NRXN3: variants seen among roughly 807,000 people sequenced by gnomAD.
The protein encoded by NRXN3 is neurexin III.
Under a neutral mutation model 137.6 loss-of-function variants are expected in NRXN3, and 32 were observed. That is an observed-to-expected ratio of 0.23 (90% CI 0.18 to 0.31). NRXN3 has a LOEUF of 0.31. Ranked by LOEUF, NRXN3 falls within the 10% of genes least tolerant of loss-of-function variation. The pLI is 1.00. For missense variants in NRXN3, 1,574 were observed against 2,062.5 expected (o/e 0.76, Z 4.59); for synonymous variants, 798 against 784.5 (o/e 1.02, Z -0.29).
At chr14:79,537,271 G>A (rs2097220520) in intron 16 of NRXN3, among the ~76,000 whole-genome samples, 1 of 151,726 alleles carries the variant, frequency 6.6e-6, no homozygotes, top group Admixed American at 6.6e-5. Context: ...TTTGAGAAGT[G>A]TCTGTTCGTG....
At chr14:79,315,635 A>G (rs1566773867) in intron 15 of NRXN3, among the ~76,000 whole-genome samples, 1 of 152,190 alleles carries the variant, frequency 6.6e-6, no homozygotes, top group Admixed American at 6.5e-5. Flanking sequence ...ATAACATCAG[A>G]TTCTTTATTC....
intron 15 of NRXN3, among the ~76,000 whole-genome samples, chr14:79,335,477 A>G (rs1325036820): frequency 6.6e-6 from 1 of 151,838 alleles, no homozygotes; most frequent in Admixed American, 6.6e-5. Flanking sequence ...GCGTGTTCAC[A>G]CCCCTCTATT....
chr14:78,616,654 T>C (rs546173505), intron 4 of NRXN3, among the ~76,000 whole-genome samples: 1 of 152,330 alleles, frequency 6.6e-6, no homozygotes, highest in South Asian at 2.1e-4. Context: ...TTCAGAGTTC[T>C]CTTGCTATAA....
rs1008942866 is a variant in NRXN3 at position 78,847,733 on chromosome 14, C to T, written c.2275+37389C>T. On this transcript the variant is annotated intron_variant, in intron 10 of 20. Coordinates refer to ENST00000335750, the MANE Select transcript of NRXN3 (RefSeq NM_001330195.2). ...TCCGATTACCCTTCCCCTTTTATCC[C>T]CCACTATCAAAAATAATCATATTCT... Among the ~76,000 whole-genome samples the T allele has an allele frequency of 3.3e-5, 5 of 152,144 alleles. No individual in the cohort carries two copies. The East Asian group carries it at 9.7e-4, about 29-fold the overall frequency.
chr14:79,814,359 C>T (rs746623297), intron 20 of NRXN3, among the ~76,000 whole-genome samples: 1 of 152,300 alleles, frequency 6.6e-6, no homozygotes, highest in African/African-American at 2.4e-5. Context: ...ATTTGAAATC[C>T]TCTGCCTTTA....
chr14:78,935,054 C>T (rs926478577), intron 10 of NRXN3, among the ~76,000 whole-genome samples: 1 of 152,078 alleles, frequency 6.6e-6, no homozygotes, highest in Non-Finnish European at 1.5e-5. Context: ...GGTTATGGCT[C>T]CTAGGCATAT....
chr14:79,845,399 T>G (rs2141561480), intron 20 of NRXN3, among the ~76,000 whole-genome samples: 1 of 152,328 alleles, frequency 6.6e-6, no homozygotes, highest in African/African-American at 2.4e-5. Context: ...CTCACTAAGC[T>G]CAATCATTTC....
At chr14:79,637,726 G>GTTTTTTTTTTTTTTT (rs1447669099) in intron 16 of NRXN3, among the ~76,000 whole-genome samples, 1 of 93,000 alleles carries the variant, frequency 1.1e-5, no homozygotes, top group Non-Finnish European at 1.9e-5. Context: ...ATATAGAAAA[G>GTTTTTTTTTTTTTTT]TTCTTTTTTT....
intron 10 of NRXN3, among the ~76,000 whole-genome samples, chr14:78,874,600 A>G (rs1458581562): frequency 6.6e-6 from 1 of 152,130 alleles, no homozygotes; most frequent in Non-Finnish European, 1.5e-5. Flanking sequence ...CAAATCATGT[A>G]TAGTCTTGAG....
At chr14:79,836,207 G>A (rs1189116015) in intron 20 of NRXN3, among the ~76,000 whole-genome samples, 1 of 152,118 alleles carries the variant, frequency 6.6e-6, no homozygotes, top group Non-Finnish European at 1.5e-5. Flanking sequence ...TGCATTGAAA[G>A]AACACAATGG....
chr14:79,031,525 G>A (rs570330745), intron 15 of NRXN3, among the ~76,000 whole-genome samples: 9 of 152,108 alleles, frequency 5.9e-5, no homozygotes, highest in East Asian at 5.8e-4. Context: ...AAAGAATTTC[G>A]AAACAAAATG....
chr14:79,716,099 G>A (rs2098822773), intron 19 of NRXN3, among the ~76,000 whole-genome samples: 1 of 152,194 alleles, frequency 6.6e-6, no homozygotes, highest in African/African-American at 2.4e-5. Flanking sequence ...GGTTGGAAAA[G>A]AGTTTCCAAA....
chr14:79,295,217 G>T, intron 15 of NRXN3, among the ~76,000 whole-genome samples: 1 of 151,238 alleles, frequency 6.6e-6, no homozygotes, highest in Non-Finnish European at 1.5e-5. Flanking sequence ...TACTACCATA[G>T]TGCCTTTATT....
At chr14:78,878,600 ATATACT>A (rs555941264) in intron 10 of NRXN3, among the ~76,000 whole-genome samples, 73 of 152,316 alleles carry the variant, frequency 4.8e-4, no homozygotes, top group African/African-American at 1.6e-3. Context: ...ACAAAATTAA[ATATACT>A]TATGGTGTAC....
chr14:79,751,042 T>C (rs936097242), intron 19 of NRXN3, among the ~76,000 whole-genome samples: 1 of 152,166 alleles, frequency 6.6e-6, no homozygotes, highest in African/African-American at 2.4e-5. Context: ...TAGGATTGAC[T>C]TGGCGATGCA....
rs1376714407 is a variant in NRXN3 at position 79,697,709 on chromosome 14, A to G, written c.3786A>G (p.Gln1262=). 2 of 1,612,984 alleles carry G rather than the reference A, an allele frequency of 1.2e-6. No individual in the cohort carries two copies. The highest frequency in any genetic ancestry group is 8.5e-7 in the Non-Finnish European group (1 of 1,179,420). ...ACAAAGGACGCCTCTTCCAAGGCCA[A>G]CTCTCTGGGCTCTATTATGATGGTT... The part of the protein sequence containing the change: ...GKDKGRLFQG[Q]LSGLYYDGLK... Residue 1262 remains glutamine (Q), a synonymous_variant, in exon 19 of 21, where the codon CAA becomes CAG. Transcript: ENST00000335750.
At chr14:78,875,269 C>G (rs1279722269) in intron 10 of NRXN3, among the ~76,000 whole-genome samples, 5 of 152,188 alleles carry the variant, frequency 3.3e-5, no homozygotes, top group Non-Finnish European at 7.3e-5. Context: ...AGGAACGCTG[C>G]AAACTTGCTA....
At chr14:79,532,040 T>C (rs924170408) in intron 16 of NRXN3, among the ~76,000 whole-genome samples, 5 of 152,164 alleles carry the variant, frequency 3.3e-5, no homozygotes, top group African/African-American at 9.7e-5. Context: ...AAAAGTGTCA[T>C]TTCTGGGCTG....
At chr14:79,016,456 T>G (rs955456407) in intron 15 of NRXN3, among the ~76,000 whole-genome samples, 1 of 152,228 alleles carries the variant, frequency 6.6e-6, no homozygotes, top group Non-Finnish European at 1.5e-5. Context: ...ACTGAAAACT[T>G]AAATTCAACA....
Sources: gnomAD v4.1 joint callset for allele counts (sites outside exome capture counted in the v4.1 genomes callset) on GRCh38, gnomAD v4.1.1 for gene constraint, MANE v1.5 for transcripts, NCBI Gene and HGNC (gene_info 2026-07-23, HGNC 2026-07-21) for gene names.